The following MAD1L1 variants were observed in gnomAD, a reference collection of about 807,000 sequenced individuals.
MAD1L1 encodes the protein mitotic arrest deficient 1 like 1, also known as mitotic spindle assembly checkpoint protein MAD1.
In MAD1L1, 95 loss-of-function variants were observed where a neutral mutation model predicts 96.9. The observed-to-expected ratio is 0.98, with a 90% CI of 0.83 to 1.16. The LOEUF is 1.16. MAD1L1 is among the 50% of genes most tolerant of loss of function. The pLI is 0.00. For synonymous variants in MAD1L1, 473 were observed against 396.6 expected (o/e 1.19, Z -2.29); for missense variants, 1,007 against 954.4 (o/e 1.06, Z -0.73).
intron 13 of MAD1L1, among the ~76,000 whole-genome samples, chr7:2,006,559 C>T (rs926579065): frequency 1.1e-4 from 16 of 151,478 alleles, no homozygotes; most frequent in Non-Finnish European, 4.4e-5. Flanking sequence ...ACAGGAGAGA[C>T]GGGACATCAC....
At chr7:1,961,879 G>A (rs1779965955) in intron 15 of MAD1L1, among the ~76,000 whole-genome samples, 1 of 150,498 alleles carries the variant, frequency 6.6e-6, no homozygotes, top group Non-Finnish European at 1.5e-5. Flanking sequence ...TTGTGGGAGG[G>A]ACATGGTGGG....
intron 16 of MAD1L1, among the ~76,000 whole-genome samples, chr7:1,950,406 G>A (rs1289616715): frequency 1.3e-5 from 2 of 152,204 alleles, no homozygotes; most frequent in Non-Finnish European, 2.9e-5. Flanking sequence ...CTGACCTCAG[G>A]CCTCATCAGC....
chr7:1,818,934 G>T lies in MAD1L1; in HGVS notation c.1999-2706C>A, dbSNP rs903155406. Among the ~76,000 whole-genome samples, 3 of 152,072 alleles carry T rather than the reference G, an allele frequency of 2.0e-5. 1 individual carries two copies. Among genetic ancestry groups the T allele is most frequent in the Non-Finnish European group, 4.4e-5 (3 of 68,012 alleles). ...CCAGCTCAAACCCCACACGAAGGCA[G>T]ACCCAGCGTTTGCAAAACACCAGCC... On this transcript the variant is annotated intron_variant, in intron 18 of 18. Coordinates refer to ENST00000265854, the MANE Select transcript of MAD1L1 (RefSeq NM_001013836.2).
At chr7:2,027,352 C>G (rs1002927114) in intron 12 of MAD1L1, among the ~76,000 whole-genome samples, 3 of 152,204 alleles carry the variant, frequency 2.0e-5, no homozygotes, top group African/African-American at 7.2e-5. Context: ...CTAATATTTT[C>G]TAAGGCCAGA....
intron 14 of MAD1L1, among the ~76,000 whole-genome samples, chr7:1,993,580 T>C (rs1030231908): frequency 6.6e-6 from 1 of 152,192 alleles, no homozygotes; most frequent in Admixed American, 6.5e-5. Context: ...TTTCTTCTGT[T>C]TTTTGGAGGA....
At chr7:2,197,733 C>G (rs922134844) in intron 10 of MAD1L1, among the ~76,000 whole-genome samples, 10 of 152,242 alleles carry the variant, frequency 6.6e-5, no homozygotes, top group Admixed American at 1.3e-4. Flanking sequence ...CTGCCCCTCA[C>G]TGGGCAGGCC....
chr7:1,953,094 G>A (rs1779574197), intron 16 of MAD1L1, among the ~76,000 whole-genome samples: 1 of 152,260 alleles, frequency 6.6e-6, no homozygotes, highest in African/African-American at 2.4e-5. Context: ...CCACAGGGAT[G>A]GCATCTCAGG....
chr7:2,105,367 G>A (rs369522305), intron 11 of MAD1L1, among the ~76,000 whole-genome samples: 48 of 142,950 alleles, frequency 3.4e-4, no homozygotes, highest in African/African-American at 9.7e-4. Context: ...AGAACAGGCC[G>A]CAGAAACCGC....
chr7:1,885,725 G>A (rs1785972901), intron 18 of MAD1L1, among the ~76,000 whole-genome samples: 1 of 152,194 alleles, frequency 6.6e-6, no homozygotes, highest in Non-Finnish European at 1.5e-5. Context: ...GCTGCCCCGT[G>A]GAGCAGAGGC....
chr7:1,940,964 G>GTAGGCCTCACCCTCCTCTTCCTCTCC (rs1778941111), intron 16 of MAD1L1, among the ~76,000 whole-genome samples: 1 of 64,328 alleles, frequency 1.6e-5, no homozygotes, highest in African/African-American at 6.0e-5. Flanking sequence ...TCCTCCCCCC[G>GTAGGCCTCACCCTCCTCTTCCTCTCC]CAGGCCTCAC....
chr7:1,987,254 G>C (rs1374101893), intron 14 of MAD1L1, among the ~76,000 whole-genome samples: 3 of 152,216 alleles, frequency 2.0e-5, no homozygotes, highest in Admixed American at 1.3e-4. Context: ...TGGATGGGAC[G>C]TTCCCTGGAG....
chr7:2,151,793 A>T (rs34739081), intron 10 of MAD1L1, among the ~76,000 whole-genome samples: 12 of 152,136 alleles, frequency 7.9e-5, no homozygotes, highest in Non-Finnish European at 1.6e-4. Flanking sequence ...ACAGTGACAG[A>T]GCTCTCTTCT....
chr7:2,103,306 A>G lies in MAD1L1; in HGVS notation c.1074-33968T>C, dbSNP rs1345109192. ...CTGCCCCGACGGGCCCTGCACACAC[A>G]GTCATACCTGCGCTCCTGCACTCAG... On this transcript the variant is annotated intron_variant, in intron 11 of 18. Coordinates refer to ENST00000265854, the MANE Select transcript of MAD1L1 (RefSeq NM_001013836.2). The surrounding 1 kb of genome is among the most constrained non-coding windows in gnomAD (Gnocchi z 4.3). 1.3e-5 allele frequency among the ~76,000 whole-genome samples: 2 copies of G among 152,056 alleles called. No homozygotes were observed. The highest frequency in any genetic ancestry group is 2.9e-5 in the Non-Finnish European group (2 of 68,000).
intron 10 of MAD1L1, among the ~76,000 whole-genome samples, chr7:2,160,064 CA>C (rs61161514): frequency 2.7e-5 from 4 of 150,940 alleles, no homozygotes; most frequent in South Asian, 2.1e-4. Context: ...CCCGTCTCTG[CA>C]AAAAAAATAC....
chr7:1,947,413 T>A (rs1183998733), intron 16 of MAD1L1, among the ~76,000 whole-genome samples: 1 of 152,254 alleles, frequency 6.6e-6, no homozygotes, highest in Non-Finnish European at 1.5e-5. Context: ...TCCTTATGCA[T>A]ATTTATAGAT....
At chr7:2,143,149 C>T (rs1019939955) in intron 11 of MAD1L1, among the ~76,000 whole-genome samples, 5 of 152,018 alleles carry the variant, frequency 3.3e-5, no homozygotes, top group Non-Finnish European at 5.9e-5. Context: ...TCCATAGAGG[C>T]GACTGCACTG....
At chr7:1,947,903 G>A (rs533299613) in intron 16 of MAD1L1, among the ~76,000 whole-genome samples, 2 of 152,190 alleles carry the variant, frequency 1.3e-5, no homozygotes, top group African/African-American at 2.4e-5. Context: ...CAGGAAAGCA[G>A]CTCCCAAGCA....
chr7:2,079,587 C>G (rs377480341), intron 11 of MAD1L1: 9 of 468,652 alleles, frequency 1.9e-5, no homozygotes, highest in African/African-American at 8.0e-5. Flanking sequence ...AGAGGCCACA[C>G]GGCAAATACT....
chr7:1,975,291 G>A (rs1040837668), intron 15 of MAD1L1, among the ~76,000 whole-genome samples: 1 of 152,206 alleles, frequency 6.6e-6, no homozygotes, highest in African/African-American at 2.4e-5. Flanking sequence ...TTCCCACCTG[G>A]GACCATAGCA....
Sources: gnomAD v4.1 joint callset for allele counts (sites outside exome capture counted in the v4.1 genomes callset) on GRCh38, gnomAD v4.1.1 for gene constraint, Gnocchi (gnomAD v3.1) non-coding constraint, MANE v1.5 for transcripts, NCBI Gene and HGNC (gene_info 2026-07-23, HGNC 2026-07-21) for gene names.